The following CNTNAP2 variants were observed in gnomAD, a reference collection of about 807,000 sequenced individuals.
CNTNAP2 encodes contactin associated protein 2.
Under a neutral mutation model 155.2 loss-of-function variants are expected in CNTNAP2, and 98 were observed. The ratio of observed to expected loss-of-function variants is 0.63; its 90% CI spans 0.54 to 0.75. CNTNAP2 has a LOEUF of 0.75. CNTNAP2 is among the 30% of genes least tolerant of loss of function. CNTNAP2 has a pLI of 0.00. For missense variants in CNTNAP2, 1,727 were observed against 1,688.1 expected, an observed-to-expected ratio of 1.02 and a Z score of -0.40; for synonymous variants, 651 against 631.2, an observed-to-expected ratio of 1.03 and a Z score of -0.47.
Position 146,774,308 on chromosome 7 carries a change from T to G in CNTNAP2, c.135T>G (p.His45Gln), listed in dbSNP as rs1328339613. 4.3e-6 allele frequency: 7 copies of G among 1,613,918 alleles called. No individual in the cohort carries two copies. Among genetic ancestry groups the G allele is most frequent in the Non-Finnish European group, 5.9e-6 (7 of 1,179,970 alleles). The change falls in exon 2 of 24, where the codon CAT (histidine) becomes CAG (glutamine). Residue 45 changes from histidine to glutamine, a missense_variant. By Grantham distance (24) the His-to-Gln change is conservative. Transcript: ENST00000361727. ...AGCCACTTGTCTCTGGACTCCCCCATGTGGCTTTCAGCAGCTCCTCCTCCA... is the reference window on the plus strand; with the variant it reads ...AGCCACTTGTCTCTGGACTCCCCCAGGTGGCTTTCAGCAGCTCCTCCTCCA... Reference protein sequence around the residue: ...CDEPLVSGLPHVAFSSSSSIS... With the variant: ...CDEPLVSGLPQVAFSSSSSIS...
chr7:147,787,270 G>A (rs1040904580), intron 13 of CNTNAP2, among the ~76,000 whole-genome samples: 4 of 152,262 alleles, frequency 2.6e-5, no homozygotes, highest in Admixed American at 2.6e-4. Context: ...GTGGTCCCAG[G>A]AGTCCCAGGC....
At chr7:146,886,936 C>T (rs1795676868) in intron 3 of CNTNAP2, among the ~76,000 whole-genome samples, 2 of 151,622 alleles carry the variant, frequency 1.3e-5, no homozygotes, top group South Asian at 2.1e-4. Context: ...CAGTGAGTGA[C>T]GTCTGCCCTG....
chr7:147,137,462 A>G (rs910118449), intron 8 of CNTNAP2, among the ~76,000 whole-genome samples: 1 of 151,714 alleles, frequency 6.6e-6, no homozygotes, highest in Non-Finnish European at 1.5e-5. Context: ...TTCTCCAATA[A>G]ACATCAATTG....
rs180712172 is a variant in CNTNAP2 at position 147,481,813 on chromosome 7, G to A, written c.1671-4122G>A. ...AAGTCATTCTCAAGTAGAAGCAGTC[G>A]AGTCATTTTTATTCATTTTTGATGT... is the stretch of plus-strand genomic sequence containing the variant. On this transcript the variant is annotated intron_variant, in intron 10 of 23. Coordinates refer to ENST00000361727, the MANE Select transcript of CNTNAP2 (RefSeq NM_014141.6). Among the ~76,000 whole-genome samples the A allele has an allele frequency of 6.0e-4, 91 of 152,220 alleles. No homozygotes were observed. The Middle Eastern group carries it at 0.01, about 17-fold the overall frequency.
intron 1 of CNTNAP2, among the ~76,000 whole-genome samples, chr7:146,738,767 G>T (rs375165930): frequency 6.6e-6 from 1 of 150,942 alleles, no homozygotes; most frequent in East Asian, 1.9e-4. Flanking sequence ...TCAGGTTCTG[G>T]GCTCTTCTTT....
intron 3 of CNTNAP2, among the ~76,000 whole-genome samples, chr7:146,887,428 C>T (rs1034157889): frequency 5.9e-5 from 9 of 151,870 alleles, no homozygotes; most frequent in Non-Finnish European, 8.8e-5. Flanking sequence ...TTTGGGAGGC[C>T]GAGGCAGCGG....
chr7:146,582,501 C>T (rs921478210), intron 1 of CNTNAP2, among the ~76,000 whole-genome samples: 1 of 152,010 alleles, frequency 6.6e-6, no homozygotes, highest in Non-Finnish European at 1.5e-5. Context: ...AAGATGCTAC[C>T]GGGAGGGAAA....
intron 4 of CNTNAP2, among the ~76,000 whole-genome samples, chr7:147,056,362 G>A (rs1438662973): frequency 6.6e-6 from 1 of 151,832 alleles, no homozygotes; most frequent in Non-Finnish European, 1.5e-5. Context: ...AAGTGCAAAT[G>A]TTTTATTAAG....
At chr7:147,315,193 G>T (rs1218782510) in intron 9 of CNTNAP2, among the ~76,000 whole-genome samples, 1 of 148,990 alleles carries the variant, frequency 6.7e-6, no homozygotes, top group Admixed American at 6.7e-5. Flanking sequence ...CCAGAAATAT[G>T]CATTTTAAAC....
intron 21 of CNTNAP2, among the ~76,000 whole-genome samples, chr7:148,290,188 A>C (rs946087471): frequency 3.3e-5 from 5 of 152,368 alleles, no homozygotes; most frequent in African/African-American, 9.6e-5. Context: ...AAGGTGATAA[A>C]ATATTAAATT....
intron 10 of CNTNAP2, among the ~76,000 whole-genome samples, chr7:147,473,827 C>T (rs1047707695): frequency 3.3e-5 from 5 of 152,146 alleles, no homozygotes; most frequent in Non-Finnish European, 5.9e-5. Flanking sequence ...CACCTGTAAT[C>T]CCAGCACTTT....
At chr7:147,259,940 T>C (rs1188692405) in intron 8 of CNTNAP2, among the ~76,000 whole-genome samples, 2 of 152,216 alleles carry the variant, frequency 1.3e-5, no homozygotes, top group Non-Finnish European at 2.9e-5. Context: ...TTAGTGCTTA[T>C]AGCTGTAACT....
chr7:147,605,832 A>T (rs1314289862), intron 12 of CNTNAP2, among the ~76,000 whole-genome samples: 1 of 151,810 alleles, frequency 6.6e-6, no homozygotes, highest in Non-Finnish European at 1.5e-5. Flanking sequence ...ATTTTGGGGT[A>T]TTGTTTTGTG....
At chr7:147,878,826 A>T (rs1799470193) in intron 13 of CNTNAP2, among the ~76,000 whole-genome samples, 1 of 152,188 alleles carries the variant, frequency 6.6e-6, no homozygotes, top group African/African-American at 2.4e-5. Context: ...ATTCTTACCA[A>T]ACTGAAGCTT....
intron 8 of CNTNAP2, among the ~76,000 whole-genome samples, chr7:147,136,730 C>T (rs1801487929): frequency 1.3e-5 from 2 of 151,784 alleles, no homozygotes; most frequent in Admixed American, 6.6e-5. Flanking sequence ...TAATTTATAC[C>T]GTTTTCCAAA....
At chr7:146,160,567 C>A (rs1798202433) in intron 1 of CNTNAP2, among the ~76,000 whole-genome samples, 1 of 152,148 alleles carries the variant, frequency 6.6e-6, no homozygotes, top group African/African-American at 2.4e-5. Context: ...GAGAATACTA[C>A]AAACATCTCC....
At chr7:147,474,639 A>C (rs12703920) in intron 10 of CNTNAP2, among the ~76,000 whole-genome samples, 30,133 of 152,080 alleles carry the variant, frequency 0.2, 3,199 homozygotes, top group East Asian at 0.36. Context: ...AACACTGAAA[A>C]TAAAAACAAA....
At chr7:147,244,930 T>G (rs894200656) in intron 8 of CNTNAP2, among the ~76,000 whole-genome samples, 2 of 152,110 alleles carry the variant, frequency 1.3e-5, no homozygotes, top group Non-Finnish European at 2.9e-5. Flanking sequence ...ATTAAAAAAT[T>G]TACTCTAGAA....
chr7:146,721,400 TTCTA>T (rs1326727066), intron 1 of CNTNAP2, among the ~76,000 whole-genome samples: 4 of 130,550 alleles, frequency 3.1e-5, no homozygotes, highest in South Asian at 2.4e-4. Flanking sequence ...TCTATATACA[TTCTA>T]TATATATTCT....
Sources: gnomAD v4.1 joint callset for allele counts (sites outside exome capture counted in the v4.1 genomes callset) on GRCh38, gnomAD v4.1.1 for gene constraint, MANE v1.5 for transcripts, NCBI Gene and HGNC (gene_info 2026-07-23, HGNC 2026-07-21) for gene names.